The following FHOD3 variants were observed in gnomAD, a reference collection of about 807,000 sequenced individuals.
FHOD3 encodes the protein formin homology 2 domain containing 3.
In FHOD3, 90 loss-of-function variants were observed where a neutral mutation model predicts 173.0. The observed-to-expected ratio is 0.52, with a 90% CI of 0.44 to 0.62. The LOEUF (loss-of-function observed/expected upper bound fraction) is 0.62, where lower values mean the gene tolerates loss of function less well. FHOD3 is among the 20% of genes least tolerant of loss of function. The pLI is 0.00. For synonymous variants in FHOD3, 828 were observed against 823.0 expected (o/e 1.01, Z -0.10); for missense variants, 1,945 against 2,034.7 (o/e 0.96, Z 0.85).
At chr18:36,476,205 A>C (rs1263482043) in intron 3 of FHOD3, among the ~76,000 whole-genome samples, 2 of 152,124 alleles carry the variant, frequency 1.3e-5, no homozygotes, top group East Asian at 3.9e-4. Context: ...CTCCCATGGC[A>C]TATGGTTTTG....
intron 1 of FHOD3, among the ~76,000 whole-genome samples, chr18:36,305,145 C>A (rs2092059707): frequency 6.6e-6 from 1 of 152,114 alleles, no homozygotes; most frequent in South Asian, 2.1e-4. Flanking sequence ...AAAATTATCA[C>A]CAATCTGCAA....
intron 5 of FHOD3, among the ~76,000 whole-genome samples, chr18:36,569,768 C>T (rs905720733): frequency 9.2e-5 from 14 of 152,144 alleles, no homozygotes; most frequent in East Asian, 1.9e-4. Flanking sequence ...AAATCAGTAA[C>T]GGAAGGAGAA....
chr18:36,675,710 C>T (rs2149354148), intron 14 of FHOD3, among the ~76,000 whole-genome samples: 1 of 152,290 alleles, frequency 6.6e-6, no homozygotes, highest in South Asian at 2.1e-4. Flanking sequence ...CGGAGACTAG[C>T]ATATACATAT....
chr18:36,564,545 T>G (rs575429219), intron 5 of FHOD3, among the ~76,000 whole-genome samples: 9 of 152,296 alleles, frequency 5.9e-5, no homozygotes, highest in African/African-American at 2.2e-4. Context: ...ATCTTGGATA[T>G]AAACTTTGCT....
chr18:36,380,691 C>T (rs1393199162), intron 3 of FHOD3, among the ~76,000 whole-genome samples: 2 of 148,286 alleles, frequency 1.3e-5, no homozygotes, highest in African/African-American at 2.5e-5. Flanking sequence ...TTTAATAACA[C>T]TCTTAAATTT....
At chr18:36,686,370 A>G (rs2038616915) in intron 15 of FHOD3, among the ~76,000 whole-genome samples, 1 of 151,070 alleles carries the variant, frequency 6.6e-6, no homozygotes, top group Non-Finnish European at 1.5e-5. Context: ...ACCAAACACC[A>G]CATGTTCTTA....
At chr18:36,529,890 G>A (rs968746686) in intron 5 of FHOD3, among the ~76,000 whole-genome samples, 14 of 152,216 alleles carry the variant, frequency 9.2e-5, no homozygotes, top group African/African-American at 2.4e-4. Flanking sequence ...GTTCAGCATC[G>A]AAAGTCAGAT....
At chr18:36,714,065 A>T (rs1014988295) in intron 18 of FHOD3, among the ~76,000 whole-genome samples, 1 of 152,206 alleles carries the variant, frequency 6.6e-6, no homozygotes, top group African/African-American at 2.4e-5. Flanking sequence ...AAGAAAAAAA[A>T]GTTGAGAAAA....
rs149341062 is a variant in FHOD3 at position 36,757,598 on chromosome 18, T to A, written c.4426-1520T>A. 1.7e-3 allele frequency among the ~76,000 whole-genome samples: 263 copies of A among 152,296 alleles called. 1 individual carries two copies. Among genetic ancestry groups the A allele is most frequent in the African/African-American group, 6.2e-3 (257 of 41,558 alleles). On this transcript the variant is annotated intron_variant, in intron 25 of 28. Coordinates refer to ENST00000590592, the MANE Select transcript of FHOD3 (RefSeq NM_001281740.3). ...GAAAACTGTTTGTAGTAAGTCACCTTGAATGTACATGCTGAATAAAATGAG... is the reference window on the plus strand; with the variant it reads ...GAAAACTGTTTGTAGTAAGTCACCTAGAATGTACATGCTGAATAAAATGAG...
intron 24 of FHOD3, among the ~76,000 whole-genome samples, chr18:36,748,367 CACACACACACACACA>C (rs1370565169): frequency 5.1e-4 from 65 of 126,512 alleles, no homozygotes; most frequent in Non-Finnish European, 8.8e-4. Flanking sequence ...CGCACGCGCA[CACACACACACACACA>C]ACACACACAC....
intron 17 of FHOD3, 60 bp from the exon 18 acceptor site, chr18:36,709,035 C>A: frequency 6.4e-7 from 1 of 1,564,748 alleles, no homozygotes; most frequent in Non-Finnish European, 8.7e-7. Context: ...TCATTCTCAC[C>A]TCACTTCACC....
chr18:36,534,784 C>T (rs1313777381), intron 5 of FHOD3, among the ~76,000 whole-genome samples: 1 of 152,174 alleles, frequency 6.6e-6, no homozygotes. Flanking sequence ...AACCAGGTGG[C>T]TCTGGAGGCA....
intron 3 of FHOD3, among the ~76,000 whole-genome samples, chr18:36,496,482 G>A (rs1370681421): frequency 6.6e-6 from 1 of 152,218 alleles, no homozygotes; most frequent in Non-Finnish European, 1.5e-5. Flanking sequence ...CGAATCAACA[G>A]AATAAGATAG....
Position 36,720,699 on chromosome 18 carries a change from T to C in FHOD3, c.3417+1984T>C, listed in dbSNP as rs7505134. 6.3e-3 allele frequency among the ~76,000 whole-genome samples: 254 copies of C among 40,268 alleles called. 1 individual carries two copies. Among genetic ancestry groups the C allele is most frequent in the Non-Finnish European group, 9.5e-3 (181 of 19,068 alleles). The allele number at this position is 40,268 out of a possible 152,430, so 26.4% of individuals were successfully genotyped here. On this transcript the variant is annotated intron_variant, in intron 19 of 28. Coordinates refer to ENST00000590592, the MANE Select transcript of FHOD3 (RefSeq NM_001281740.3). Reference sequence around the variant, plus strand: ...ACAGAATATTCCTCCTCCCCCTCCTTCTCCTCCTCCTCCTCCTTCTCTTCC... The same window carrying C: ...ACAGAATATTCCTCCTCCCCCTCCTCCTCCTCCTCCTCCTCCTTCTCTTCC...
At chr18:36,412,632 G>A (rs2049414352) in intron 3 of FHOD3, among the ~76,000 whole-genome samples, 2 of 152,284 alleles carry the variant, frequency 1.3e-5, no homozygotes, top group Non-Finnish European at 2.9e-5. Context: ...GAGACTTAAG[G>A]TAAAGAGAAT....
chr18:36,764,789 A>G (rs1045570042), intron 27 of FHOD3, among the ~76,000 whole-genome samples: 1 of 152,188 alleles, frequency 6.6e-6, no homozygotes, highest in Non-Finnish European at 1.5e-5. Context: ...TTCATGCAGC[A>G]TGTGTTATGG....
intron 6 of FHOD3, among the ~76,000 whole-genome samples, chr18:36,591,060 C>A (rs1174245387): frequency 2.0e-5 from 3 of 152,168 alleles, no homozygotes; most frequent in Admixed American, 1.3e-4. Flanking sequence ...AGTTGCCAAG[C>A]CTGAACTTGC....
At chr18:36,639,007 C>T (rs1004723107) in intron 10 of FHOD3, among the ~76,000 whole-genome samples, 2 of 152,172 alleles carry the variant, frequency 1.3e-5, no homozygotes, top group East Asian at 1.9e-4. Flanking sequence ...GTCTTCCATT[C>T]CAGTGTATTT....
At chr18:36,514,876 G>A (rs1049911233) in intron 5 of FHOD3, among the ~76,000 whole-genome samples, 7 of 152,238 alleles carry the variant, frequency 4.6e-5, no homozygotes, top group African/African-American at 1.7e-4. Context: ...AGCTGCACGG[G>A]AGGCTGGCAG....
Sources: allele counts gnomAD v4.1 joint callset (sites outside exome capture counted in the v4.1 genomes callset), GRCh38; gene constraint gnomAD v4.1.1; transcripts MANE v1.5; gene names NCBI Gene and HGNC (gene_info 2026-07-23, HGNC 2026-07-21).